The following CSMD1 variants were observed in gnomAD, a reference collection of about 807,000 sequenced individuals.
The protein encoded by CSMD1 is CUB and Sushi multiple domains 1, also known as CUB and sushi domain-containing protein 1.
CSMD1 carries 213 observed loss-of-function variants against 417.5 expected under a neutral mutation model. That is an observed-to-expected ratio of 0.51 (90% CI 0.46 to 0.57). CSMD1 has a LOEUF of 0.57. CSMD1 is among the 20% of genes least tolerant of loss of function. The pLI, the probability that CSMD1 is intolerant of heterozygous loss-of-function variation, is 0.00. For missense variants in CSMD1, 6,923 were observed against 4,529.7 expected (o/e 1.53, Z -15.17); for synonymous variants, 2,862 against 1,736.8 (o/e 1.65, Z -16.11).
intron 4 of CSMD1, among the ~76,000 whole-genome samples, 176 bp downstream of exon 4, chr8:4,031,729 T>G (rs557190431): frequency 6.6e-6 from 1 of 152,342 alleles, no homozygotes; most frequent in Non-Finnish European, 1.5e-5. Flanking sequence ...ACATTACATG[T>G]TATTTCTTAC....
At chr8:4,588,656 G>A (rs1357781376) in intron 2 of CSMD1, among the ~76,000 whole-genome samples, 1 of 151,856 alleles carries the variant, frequency 6.6e-6, no homozygotes, top group Admixed American at 6.6e-5. Flanking sequence ...GTGGTGGCGG[G>A]CGCCTTTAGT....
intron 5 of CSMD1, among the ~76,000 whole-genome samples, chr8:3,881,870 C>G (rs980515741): frequency 1.3e-5 from 2 of 151,940 alleles, no homozygotes; most frequent in Admixed American, 6.6e-5. Flanking sequence ...ATTGACTTCT[C>G]CATAAATGGG....
intron 1 of CSMD1, among the ~76,000 whole-genome samples, chr8:4,719,837 C>A (rs149337081): frequency 1.3e-5 from 2 of 152,044 alleles, no homozygotes; most frequent in Non-Finnish European, 2.9e-5. Flanking sequence ...AAAATTTTAT[C>A]TCATTAAAGT....
chr8:4,485,723 A>T lies in CSMD1; in HGVS notation c.303-65658T>A, dbSNP rs577056583. Among the ~76,000 whole-genome samples, 4 of 152,332 alleles carry T rather than the reference A, an allele frequency of 2.6e-5. No individual in the cohort carries two copies. In the East Asian group the frequency reaches 7.7e-4, roughly 29 times the overall value. ...ACAAAAGAAATCCCAAAATAAGTAC[A>T]TAATCTTAATCCCAATAAATCCAAT... On this transcript the variant is annotated intron_variant, in intron 2 of 69. Transcript: ENST00000635120.
intron 1 of CSMD1, among the ~76,000 whole-genome samples, chr8:4,863,006 C>G (rs1802226744): frequency 6.6e-6 from 1 of 151,996 alleles, no homozygotes; most frequent in Non-Finnish European, 1.5e-5. Context: ...CCCCGTAGAT[C>G]AAGGGGAACA....
At chr8:4,769,030 A>G (rs1796471992) in intron 1 of CSMD1, among the ~76,000 whole-genome samples, 1 of 152,138 alleles carries the variant, frequency 6.6e-6, no homozygotes, top group Admixed American at 6.5e-5. Context: ...GGTACTACAA[A>G]GCCATCTCGG....
chr8:3,447,851 G>A (rs1205630754), intron 12 of CSMD1, among the ~76,000 whole-genome samples: 2 of 152,068 alleles, frequency 1.3e-5, no homozygotes, highest in Non-Finnish European at 2.9e-5. Context: ...GGCCATCGGA[G>A]GTGTCTTTAC....
chr8:4,334,900 A>T (rs1800081815), intron 3 of CSMD1, among the ~76,000 whole-genome samples: 1 of 152,090 alleles, frequency 6.6e-6, no homozygotes, highest in South Asian at 2.1e-4. Context: ...ATCAGGTGTC[A>T]GTGAGGACCC....
At chr8:4,783,436 C>T (rs543067239) in intron 1 of CSMD1, among the ~76,000 whole-genome samples, 1 of 152,326 alleles carries the variant, frequency 6.6e-6, no homozygotes, top group Admixed American at 6.5e-5. Flanking sequence ...AGTGCTTTGG[C>T]TTTGGTAATC....
chr8:3,272,814 G>C (rs1173429429), intron 26 of CSMD1, among the ~76,000 whole-genome samples: 1 of 150,352 alleles, frequency 6.7e-6, no homozygotes, highest in Admixed American at 6.7e-5. Flanking sequence ...TTGCTTATCA[G>C]CTTAAGGAGA....
rs578112034 is a variant in CSMD1 at position 3,312,469 on chromosome 8, G to GA, written c.3632-3967dup. 1.8e-4 allele frequency among the ~76,000 whole-genome samples: 28 copies of GA among 152,254 alleles called. 1 individual carries two copies. The East Asian group carries it at 5.0e-3, about 27-fold the overall frequency. On this transcript the variant is annotated intron_variant, in intron 23 of 69. Coordinates refer to ENST00000635120, the MANE Select transcript of CSMD1 (RefSeq NM_033225.6). The stretch of plus-strand genomic sequence containing the variant: ...TAAAATACATTCCTCTTTCCTGTCA[G>GA]AAAGTTGAAAGTATTTGGCCATTCT...
At chr8:4,836,780 G>T (rs1033308559) in intron 1 of CSMD1, among the ~76,000 whole-genome samples, 1 of 151,972 alleles carries the variant, frequency 6.6e-6, no homozygotes, top group African/African-American at 2.4e-5. Context: ...CTTGACTCCT[G>T]TGTGGACACA....
chr8:4,075,627 T>G (rs1002420608), intron 3 of CSMD1, among the ~76,000 whole-genome samples: 3 of 152,198 alleles, frequency 2.0e-5, no homozygotes, highest in Non-Finnish European at 2.9e-5. Context: ...TATTGTAGTA[T>G]AACTCACACT....
At chr8:3,218,515 C>T (rs1428225070) in intron 29 of CSMD1, among the ~76,000 whole-genome samples, 2 of 147,966 alleles carry the variant, frequency 1.4e-5, no homozygotes, top group South Asian at 4.3e-4. Context: ...GAGCTGAGAT[C>T]ACACTGCAGC....
intron 5 of CSMD1, among the ~76,000 whole-genome samples, chr8:3,882,962 G>C (rs148180917): frequency 6.6e-6 from 1 of 152,064 alleles, no homozygotes; most frequent in Non-Finnish European, 1.5e-5. Context: ...AACTCTCTGC[G>C]AAAGTTTGTT....
At chr8:4,811,044 A>T (rs1258928218) in intron 1 of CSMD1, among the ~76,000 whole-genome samples, 1 of 152,208 alleles carries the variant, frequency 6.6e-6, no homozygotes, top group African/African-American at 2.4e-5. Flanking sequence ...CATCACACTT[A>T]AACGATTAAT....
chr8:4,633,995 T>TCAAA, intron 2 of CSMD1, among the ~76,000 whole-genome samples: 1 of 116,208 alleles, frequency 8.6e-6, no homozygotes, highest in Non-Finnish European at 1.8e-5. Flanking sequence ...TGACAGGTCA[T>TCAAA]TAAAAAAAAA....
At chr8:4,081,394 T>G (rs928223627) in intron 3 of CSMD1, among the ~76,000 whole-genome samples, 1 of 152,154 alleles carries the variant, frequency 6.6e-6, no homozygotes, top group Non-Finnish European at 1.5e-5. Context: ...TATAGATGAT[T>G]ATAAAAGGCT....
Position 3,228,052 on chromosome 8 carries a change from G to C in CSMD1, c.4345+1988C>G, listed in dbSNP as rs559087827. ...TAAAGTGCTGGGATTACAGGTGTGA[G>C]CCACCACACCCAGACTAAAACATTT... On this transcript the variant is annotated intron_variant, in intron 27 of 69. Coordinates refer to ENST00000635120, the MANE Select transcript of CSMD1 (RefSeq NM_033225.6). 2.0e-5 allele frequency among the ~76,000 whole-genome samples: 3 copies of C among 152,256 alleles called. No individual in the cohort carries two copies. The East Asian group carries it at 5.8e-4, about 29-fold the overall frequency.
Sources: gnomAD v4.1 joint callset for allele counts (sites outside exome capture counted in the v4.1 genomes callset) on GRCh38, gnomAD v4.1.1 for gene constraint, MANE v1.5 for transcripts, NCBI Gene and HGNC (gene_info 2026-07-23, HGNC 2026-07-21) for gene names.